Variants in FAM161A observed in about 807,000 individuals in gnomAD.
FAM161A encodes protein FAM161A.
In FAM161A, 57 loss-of-function variants were observed where a neutral mutation model predicts 70.9. The observed-to-expected ratio is 0.80, with a 90% CI of 0.65 to 1.00. FAM161A has a LOEUF of 1.00. FAM161A is among the 50% of genes least tolerant of loss of function. The probability of loss-of-function intolerance (pLI) is 0.00; values close to 1 mark genes in which losing one functional copy is unlikely to be tolerated. For synonymous variants in FAM161A, 299 were observed against 295.7 expected (o/e 1.01, Z -0.12); for missense variants, 880 against 836.0 (o/e 1.05, Z -0.65).
intron 1 of FAM161A, among the ~76,000 whole-genome samples, chr2:61,850,446 T>G (rs558370822): frequency 6.6e-6 from 1 of 152,036 alleles, no homozygotes; most frequent in East Asian, 1.9e-4. Context: ...TATATGTGTA[T>G]GTATGTATGT....
rs778428472 is a variant in FAM161A at position 61,840,125 on chromosome 2, GAGAAAGAC to G, written c.871_878del (p.Val291ProfsTer5). 6.2e-7 allele frequency: 1 copy of G among 1,614,144 alleles called. No homozygotes were observed. The highest frequency in any genetic ancestry group is 1.3e-5 in the African/African-American group (1 of 75,020). Reference sequence around the variant, plus strand: ...GCTTGACTAAATCATGGTAAAGGGGGAGAAAGACAGATGCAGGAACTGGATTGGCTCGG... The same window carrying G: ...GCTTGACTAAATCATGGTAAAGGGGGAGATGCAGGAACTGGATTGGCTCGG... On this transcript the variant is annotated frameshift_variant, in exon 3 of 7. Transcript: ENST00000404929. LOFTEE classifies it high-confidence loss of function.
At chr2:61,821,448 C>T (rs1672200422), downstream of FAM161A, among the ~76,000 whole-genome samples, 1 of 151,986 alleles carries the variant, frequency 6.6e-6, no homozygotes, top group Non-Finnish European at 1.5e-5. Context: ...AGACCACAGT[C>T]TTAGTTGTTA....
chr2:61,833,846 A>G (rs1672674289), intron 5 of FAM161A, among the ~76,000 whole-genome samples: 1 of 152,124 alleles, frequency 6.6e-6, no homozygotes, highest in Admixed American at 6.6e-5. Flanking sequence ...CCTGGGCCAT[A>G]CAGCGAGACC....
the FAM161A span, among the ~76,000 whole-genome samples, chr2:61,812,018 T>G: frequency 6.6e-6 from 1 of 152,078 alleles, no homozygotes; most frequent in African/African-American, 2.4e-5. Flanking sequence ...AGGCCCAGGG[T>G]ACGTTCTGTT....
At chr2:61,839,234 T>C (rs1169133116) in intron 3 of FAM161A, among the ~76,000 whole-genome samples, 187 bp downstream of exon 3, 1 of 152,144 alleles carries the variant, frequency 6.6e-6, no homozygotes, top group Non-Finnish European at 1.5e-5. Context: ...CCAAAATTTA[T>C]AAATGAAAAA....
intron 5 of FAM161A, among the ~76,000 whole-genome samples, chr2:61,834,006 G>C (rs1387938683): frequency 6.6e-6 from 1 of 152,154 alleles, no homozygotes; most frequent in African/African-American, 2.4e-5. Context: ...CTGGGCAACA[G>C]AGTGAAACCC....
At position 61,826,557 on chromosome 2, in the gene FAM161A, T is replaced by G; in HGVS notation, c.2049A>C (p.Glu683Asp). ...TGTTGGTATCAATAAAATAATTTTCTTCCCCATTCTCTCTTTCTTCTATTT... is the reference window on the plus strand; with the variant it reads ...TGTTGGTATCAATAAAATAATTTTCGTCCCCATTCTCTCTTTCTTCTATTT... Reference protein sequence around the residue: ...EEKIEERENGEENYFIDTNSQ... With the variant: ...EEKIEERENGDENYFIDTNSQ... Residue 683 changes from glutamate to aspartate, a missense_variant, in exon 7 of 7, where the codon GAA (glutamate) becomes GAC (aspartate). By Grantham distance (45) the Glu-to-Asp change is conservative (BLOSUM62 2). Coordinates refer to ENST00000404929, the MANE Select transcript of FAM161A (RefSeq NM_001201543.2). 6.2e-7 allele frequency: 1 copy of G among 1,600,122 alleles called. No individual in the cohort carries two copies. Among genetic ancestry groups the G allele is most frequent in the Non-Finnish European group, 8.5e-7 (1 of 1,170,676 alleles).
intron 1 of FAM161A, among the ~76,000 whole-genome samples, chr2:61,842,904 T>A (rs1400603484): frequency 6.6e-6 from 1 of 152,082 alleles, no homozygotes; most frequent in Non-Finnish European, 1.5e-5. Context: ...GAAGCCCTCC[T>A]CACAGTGGGG....
chr2:61,822,409 A>G (rs764673188), downstream of FAM161A, among the ~76,000 whole-genome samples: 6 of 152,188 alleles, frequency 3.9e-5, no homozygotes, highest in Non-Finnish European at 7.3e-5. Context: ...ATTTAGGACA[A>G]AGTAATTACT....
the FAM161A span, among the ~76,000 whole-genome samples, chr2:61,815,192 C>A: frequency 6.6e-6 from 1 of 152,184 alleles, no homozygotes; most frequent in African/African-American, 2.4e-5. Flanking sequence ...TAGGGATACT[C>A]ATGGGATTAA....
the FAM161A span, among the ~76,000 whole-genome samples, chr2:61,810,599 C>T: frequency 6.6e-6 from 1 of 151,582 alleles, no homozygotes; most frequent in Non-Finnish European, 1.5e-5. Flanking sequence ...GCTGGGATTA[C>T]AGGCATGCAT....
the FAM161A span, among the ~76,000 whole-genome samples, chr2:61,805,126 C>T: frequency 5.2e-3 from 799 of 152,248 alleles, 5 homozygotes; most frequent in South Asian, 0.026. Context: ...AATTGCAAAT[C>T]AGAAAATCTT....
chr2:61,853,111 C>G (rs960487878), intron 1 of FAM161A, among the ~76,000 whole-genome samples: 1 of 152,008 alleles, frequency 6.6e-6, no homozygotes, highest in African/African-American at 2.4e-5. Context: ...GGGGTTTCAC[C>G]ATGTTGGTCA....
the FAM161A span, among the ~76,000 whole-genome samples, chr2:61,807,831 T>G: frequency 1.3e-5 from 2 of 151,944 alleles, no homozygotes; most frequent in Non-Finnish European, 2.9e-5. Context: ...GGTAGAGACA[T>G]GGTCTCACTA....
rs1036171135 is a variant in FAM161A, at chr2:61,825,553, A to C, written c.*902T>G. The C allele has an allele frequency of 4.6e-6, 2 of 439,264 alleles. No homozygotes were observed. Among genetic ancestry groups the C allele is most frequent in the African/African-American group, 4.1e-5 (2 of 48,800 alleles). The allele number at this position is 439,264 out of a possible 1,614,324, so 27.2% of individuals were successfully genotyped here. A position where few individuals can be genotyped will look rare whatever the true frequency, so the allele number is the denominator to read the frequency against. On this transcript the variant is annotated 3_prime_UTR_variant, in exon 7 of 7. Coordinates refer to ENST00000404929, the MANE Select transcript of FAM161A (RefSeq NM_001201543.2). The stretch of plus-strand genomic sequence containing the variant: ...TGGACTAGAACTAAGGATAAAAAGA[A>C]AAAGGGATGATGGTGTAGACAATTT...
Position 61,842,308 on chromosome 2 carries a change from T to C in FAM161A, c.236A>G (p.Tyr79Cys). ...ATCAGGAAAGTTCACAAAGTCCTCA[T>C]AGCTTATCGGTGCATGTTCATCCAC... ...SGVDEHAPISYEDFVNFPDIH... is the reference protein window; with the variant it reads ...SGVDEHAPISCEDFVNFPDIH... Residue 79 changes from tyrosine (Y) to cysteine (C), a missense_variant, in exon 2 of 7, where the codon TAT (tyrosine) becomes TGT (cysteine). Tyr to Cys is a radical substitution (Grantham distance 194). Transcript: ENST00000404929. The C allele has an allele frequency of 1.9e-6, 3 of 1,599,916 alleles. No individual in the cohort carries two copies. Among genetic ancestry groups the C allele is most frequent in the South Asian group, 1.1e-5 (1 of 89,772 alleles).
At chr2:61,812,872 A>G in the FAM161A span, among the ~76,000 whole-genome samples, 23 of 152,016 alleles carry the variant, frequency 1.5e-4, no homozygotes, top group Non-Finnish European at 4.4e-5. Context: ...GATCAAGACC[A>G]TGCTGGCTAA....
At chr2:61,821,342 C>T (rs779845583), downstream of FAM161A, among the ~76,000 whole-genome samples, 6 of 152,010 alleles carry the variant, frequency 3.9e-5, no homozygotes, top group Non-Finnish European at 5.9e-5. Context: ...TGAGCCACTG[C>T]GCCCAGCTAT....
the FAM161A span, among the ~76,000 whole-genome samples, chr2:61,808,532 A>G: frequency 3.3e-5 from 5 of 152,188 alleles, no homozygotes; most frequent in African/African-American, 1.2e-4. Flanking sequence ...TTGGCCTCCC[A>G]AAGTGCTGGG....
Sources: allele counts gnomAD v4.1 joint callset (sites outside exome capture counted in the v4.1 genomes callset), GRCh38; gene constraint gnomAD v4.1.1; transcripts MANE v1.5; gene names NCBI Gene and HGNC (gene_info 2026-07-23, HGNC 2026-07-21).